The following ATXN3 variants were observed in gnomAD, a reference collection of about 807,000 sequenced individuals.
The protein encoded by ATXN3 is ataxin 3.
A neutral mutation model predicts 58.2 loss-of-function variants in ATXN3; 28 were observed. That is an observed-to-expected ratio of 0.48 (90% CI 0.36 to 0.66). The LOEUF is 0.66. ATXN3 is among the 30% of genes least tolerant of loss of function. ATXN3 has a pLI of 0.00. For synonymous variants in ATXN3, 113 were observed against 138.5 expected (o/e 0.82, Z 1.29); for missense variants, 321 against 422.1 (o/e 0.76, Z 2.10).
At chr14:92,099,249 C>G (rs1312685069) in intron 1 of ATXN3, among the ~76,000 whole-genome samples, 1 of 152,180 alleles carries the variant, frequency 6.6e-6, no homozygotes, top group Non-Finnish European at 1.5e-5. Flanking sequence ...AGAGAACCAC[C>G]TTGCAAGACG....
chr14:92,096,551 G>C lies in ATXN3; in HGVS notation c.189+123C>G, dbSNP rs1595941266. The C allele has an allele frequency of 2.0e-5, 20 of 1,014,074 alleles. No homozygotes were observed. The Middle Eastern group carries it at 2.9e-3, about 146-fold the overall frequency. 62.8% of individuals were successfully genotyped at this position (1,014,074 alleles called of 1,614,324 possible). ...AGGCAGGAGAATCGCTTGAACCCGG[G>C]AGGCAGAGGTTGCAGTGAGCCGAGA... On this transcript the variant is annotated intron_variant, in intron 2 of 10. Transcript: ENST00000644486.
intron 10 of ATXN3, among the ~76,000 whole-genome samples, chr14:92,070,548 C>T (rs1049156632): frequency 4.6e-5 from 7 of 152,136 alleles, no homozygotes; most frequent in African/African-American, 1.7e-4. Flanking sequence ...CACTGCACTC[C>T]AGCCTGGGTG....
rs562671116 is a variant in ATXN3, at chr14:92,064,362, T to C, written c.1044A>G (p.Leu348=). The C allele has an allele frequency of 3.1e-6, 5 of 1,613,362 alleles. No individual in the cohort carries two copies. In the South Asian group the frequency reaches 5.5e-5, roughly 18 times the overall value. The change falls in exon 11 of 11, where the codon TTA becomes TTG. Residue 348 remains leucine, a synonymous_variant. Coordinates refer to ENST00000644486, the MANE Select transcript of ATXN3 (RefSeq NM_004993.6). ...DMLQAAVTMS[L]ETVRNDLKTE... ...TTTTCAAATCATTTCTGACAGTTTC[T>C]AAAGACATGGTCACAGCTGCCTGAA...
intron 10 of ATXN3, among the ~76,000 whole-genome samples, chr14:92,068,191 G>A (rs2058781361): frequency 6.6e-6 from 1 of 152,178 alleles, no homozygotes; most frequent in Admixed American, 6.5e-5. Context: ...CTCCTGGAGG[G>A]AATGAGAATC....
intron 2 of ATXN3, 77 bp from the exon 3 acceptor site, chr14:92,096,214 T>C: frequency 1.9e-6 from 3 of 1,612,176 alleles, no homozygotes; most frequent in Non-Finnish European, 1.7e-6. Flanking sequence ...AGCGTGCATA[T>C]TTAAAACAAT....
At chr14:92,093,339 T>C (rs775680424) in intron 4 of ATXN3, 21 bp from the exon 5 acceptor site, 23 of 1,181,634 alleles carry the variant, frequency 1.9e-5, no homozygotes, top group Non-Finnish European at 2.6e-5. Flanking sequence ...AAACAGACAA[T>C]ATTAACTTGA....
intron 3 of ATXN3, among the ~76,000 whole-genome samples, chr14:92,094,598 C>T (rs141860581): frequency 7.2e-5 from 11 of 152,256 alleles, no homozygotes; most frequent in East Asian, 5.8e-4. Flanking sequence ...ATGGGCTTGC[C>T]GCTTGTAGAA....
At chr14:92,071,077 T>C (rs1305314108) in intron 9 of ATXN3, 24 bp from the exon 10 acceptor site, 2 of 1,279,636 alleles carry the variant, frequency 1.6e-6, no homozygotes, top group Admixed American at 2.6e-5. Context: ...AAGTGAAGTA[T>C]ATTTAAAAAA....
At chr14:92,083,704 G>A (rs1164508489) in intron 6 of ATXN3, among the ~76,000 whole-genome samples, 1 of 152,114 alleles carries the variant, frequency 6.6e-6, no homozygotes, top group African/African-American at 2.4e-5. Flanking sequence ...ACCTTCCTGT[G>A]ATGGTTAATA....
At chr14:92,099,258 C>T (rs1032375560) in intron 1 of ATXN3, among the ~76,000 whole-genome samples, 12 of 152,058 alleles carry the variant, frequency 7.9e-5, no homozygotes, top group African/African-American at 2.4e-4. Context: ...CCTTGCAAGA[C>T]GGATATTTTT....
downstream of ATXN3, among the ~76,000 whole-genome samples, chr14:92,057,166 C>T (rs139330895): frequency 2.1e-3 from 320 of 152,308 alleles, no homozygotes; most frequent in Non-Finnish European, 3.7e-3. Context: ...GTGGCTCATC[C>T]CAGCACTTTG....
chr14:92,074,843 G>C (rs1386151797), intron 9 of ATXN3, among the ~76,000 whole-genome samples: 1 of 152,164 alleles, frequency 6.6e-6, no homozygotes, highest in Admixed American at 6.6e-5. Flanking sequence ...CCTTGTTATA[G>C]AACATTTGCA....
intron 7 of ATXN3, 125 bp from the exon 8 acceptor site, chr14:92,082,591 C>T: frequency 5.8e-6 from 5 of 862,682 alleles, no homozygotes; most frequent in South Asian, 2.4e-5. Context: ...CAAATAAGCT[C>T]TAGTAATATA....
chr14:92,055,916 G>A (rs538130872), downstream of ATXN3, among the ~76,000 whole-genome samples: 29 of 152,212 alleles, frequency 1.9e-4, no homozygotes, highest in South Asian at 6.0e-3. This position sits in a 1 kb window ranked among gnomAD's most constrained non-coding sequence, Gnocchi z 4.5. Flanking sequence ...AGCCAAGATC[G>A]TGCCACTGCA....
chr14:92,049,853 A>C (rs1264993559), upstream of ATXN3: 1 of 152,320 alleles, frequency 6.6e-6, no homozygotes, highest in Non-Finnish European at 1.5e-5. Context: ...TATCTGCGAA[A>C]GAGCAATCCA....
intron 10 of ATXN3, among the ~76,000 whole-genome samples, chr14:92,065,773 C>T (rs532225438): frequency 8.2e-4 from 125 of 152,042 alleles, no homozygotes; most frequent in African/African-American, 2.9e-3. Flanking sequence ...CCCAGCTACT[C>T]GGGAGGCTGA....
At chr14:92,085,379 G>A (rs1015613625) in intron 6 of ATXN3, among the ~76,000 whole-genome samples, 2 of 151,884 alleles carry the variant, frequency 1.3e-5, no homozygotes, top group African/African-American at 2.4e-5. Context: ...GTAGAGACAG[G>A]GTTTCACCAT....
intron 3 of ATXN3, among the ~76,000 whole-genome samples, chr14:92,095,819 G>A (rs2065073381): frequency 6.6e-6 from 1 of 151,806 alleles, no homozygotes; most frequent in African/African-American, 2.4e-5. Flanking sequence ...GCGGGTGCCT[G>A]TAATCCCAGC....
intron 9 of ATXN3, among the ~76,000 whole-genome samples, chr14:92,072,061 AACT>A (rs1389687840): frequency 2.6e-5 from 4 of 152,060 alleles, no homozygotes; most frequent in Non-Finnish European, 5.9e-5. Flanking sequence ...AATAAATGAA[AACT>A]ACTATTTAAC....
Sources: gnomAD v4.1 joint callset for allele counts (sites outside exome capture counted in the v4.1 genomes callset) on GRCh38, gnomAD v4.1.1 for gene constraint, Gnocchi (gnomAD v3.1) non-coding constraint, MANE v1.5 for transcripts, NCBI Gene and HGNC (gene_info 2026-07-23, HGNC 2026-07-21) for gene names.